The following COBL variants were observed in gnomAD, a reference collection of about 807,000 sequenced individuals.
COBL encodes the protein protein cordon-bleu.
COBL carries 51 observed loss-of-function variants against 98.8 expected under a neutral mutation model. The ratio of observed to expected loss-of-function variants is 0.52; its 90% CI spans 0.41 to 0.65. The LOEUF (loss-of-function observed/expected upper bound fraction) is 0.65. Among genes scored for constraint, COBL ranks in the 30% least tolerant of loss-of-function variants. The pLI, the probability that COBL is intolerant of heterozygous loss-of-function variation, is 0.00. For missense variants in COBL, 1,617 were observed against 1,617.5 expected (o/e 1.00, Z 0.01); for synonymous variants, 634 against 651.7 (o/e 0.97, Z 0.41).
rs541214219 is a variant in COBL, at chr7:51,218,771, A to G, written c.245+970T>C. Among the ~76,000 whole-genome samples, 8 of 152,314 alleles carry G rather than the reference A, an allele frequency of 5.3e-5. No individual in the cohort carries two copies. In the South Asian group the frequency reaches 1.5e-3, roughly 28 times the overall value. The stretch of plus-strand genomic sequence containing the variant: ...GACTACAGGCCACCGTGCCCAGCCC[A>G]TTTTATATCATTTCTTATTCTCCTT... On this transcript the variant is annotated intron_variant, in intron 2 of 12. Coordinates refer to ENST00000265136, the MANE Select transcript of COBL (RefSeq NM_015198.5).
intron 6 of COBL, among the ~76,000 whole-genome samples, chr7:51,087,376 A>G (rs757098557): frequency 1.3e-5 from 2 of 152,158 alleles, no homozygotes; most frequent in African/African-American, 2.4e-5. Context: ...CCTGAACCTG[A>G]TAACTGATTT....
intron 7 of COBL, among the ~76,000 whole-genome samples, chr7:51,082,713 C>T (rs1489560961): frequency 6.6e-6 from 1 of 152,214 alleles, no homozygotes; most frequent in Non-Finnish European, 1.5e-5. Context: ...AGCCCACCAT[C>T]CAGATCACAC....
At chr7:51,159,676 A>G (rs1006760478) in intron 5 of COBL, among the ~76,000 whole-genome samples, 1 of 152,136 alleles carries the variant, frequency 6.6e-6, no homozygotes, top group Non-Finnish European at 1.5e-5. Flanking sequence ...TTTTCAGCCA[A>G]GTGGTGAAAA....
At chr7:51,033,222 T>C (rs1386520434) in intron 8 of COBL, 1 of 152,188 alleles carries the variant, frequency 6.6e-6, no homozygotes, top group African/African-American at 2.4e-5. Flanking sequence ...TGGAAAGCAA[T>C]GTGGAAATAC....
chr7:51,095,922 C>A (rs1344859061), intron 6 of COBL, among the ~76,000 whole-genome samples: 1 of 152,036 alleles, frequency 6.6e-6, no homozygotes, highest in South Asian at 2.1e-4. Flanking sequence ...TAGAAATAGA[C>A]AGAAACACAA....
At chr7:51,024,227 T>C (rs1035968089) in intron 12 of COBL, among the ~76,000 whole-genome samples, 5 of 151,902 alleles carry the variant, frequency 3.3e-5, no homozygotes, top group Admixed American at 6.6e-5. Context: ...GAGAATGGCA[T>C]GAACCCGGGA....
chr7:51,224,429 T>C (rs953835325), intron 1 of COBL, among the ~76,000 whole-genome samples: 1 of 152,150 alleles, frequency 6.6e-6, no homozygotes, highest in Non-Finnish European at 1.5e-5. Context: ...AAAACCTGTG[T>C]GGACCTCATT....
At chr7:51,305,449 A>G (rs1206126609) in intron 1 of COBL, among the ~76,000 whole-genome samples, 1 of 152,238 alleles carries the variant, frequency 6.6e-6, no homozygotes, top group African/African-American at 2.4e-5. Context: ...CTACAAAGCA[A>G]TATTTTCCAC....
intron 2 of COBL, among the ~76,000 whole-genome samples, chr7:51,201,101 G>A (rs1044881314): frequency 1.1e-4 from 17 of 151,848 alleles, no homozygotes; most frequent in Non-Finnish European, 1.9e-4. Context: ...TTAGCTGGGC[G>A]TGGTGGTGGG....
chr7:51,246,574 C>T (rs1218224034), intron 1 of COBL, among the ~76,000 whole-genome samples: 1 of 152,220 alleles, frequency 6.6e-6, no homozygotes, highest in Non-Finnish European at 1.5e-5. Flanking sequence ...ATCCTGCCTG[C>T]ACACCGTACA....
rs114062801 is a variant in COBL, at chr7:51,308,973, G to C, written c.41+7620C>G. ...TAGGTCAGAGCTCTATATAACGTGG[G>C]TGTGTGTCACAGCAAACTAAGGACA... On this transcript the variant is annotated intron_variant, in intron 1 of 12. Transcript: ENST00000265136. Among the ~76,000 whole-genome samples, 1,453 of 152,264 alleles carry C rather than the reference G, an allele frequency of 9.5e-3. 19 individuals are homozygous for C. Among genetic ancestry groups the C allele is most frequent in the African/African-American group, 0.034 (1,409 of 41,560 alleles).
At chr7:51,144,530 A>G (rs1784848103) in intron 5 of COBL, among the ~76,000 whole-genome samples, 1 of 152,218 alleles carries the variant, frequency 6.6e-6, no homozygotes, top group Non-Finnish European at 1.5e-5. Context: ...AAATTATGAT[A>G]ACAAAATGTG....
At chr7:51,215,358 C>T (rs1318002905) in intron 2 of COBL, among the ~76,000 whole-genome samples, 1 of 152,146 alleles carries the variant, frequency 6.6e-6, no homozygotes, top group African/African-American at 2.4e-5. Flanking sequence ...TCACAGTGGG[C>T]TTTTTGGCAT....
chr7:51,285,657 T>C (rs1800291111), intron 1 of COBL, among the ~76,000 whole-genome samples: 4 of 152,222 alleles, frequency 2.6e-5, no homozygotes, highest in Non-Finnish European at 5.9e-5. Context: ...ATATATTCAT[T>C]GGTCAGACGA....
intron 7 of COBL, among the ~76,000 whole-genome samples, chr7:51,076,131 G>A (rs1583697833): frequency 6.6e-6 from 1 of 152,204 alleles, no homozygotes; most frequent in Non-Finnish European, 1.5e-5. Context: ...CCCAGGGCTT[G>A]CTCTGAGCTC....
chr7:51,241,584 T>A (rs917431), intron 1 of COBL, among the ~76,000 whole-genome samples: 8,458 of 152,124 alleles, frequency 0.056, 757 homozygotes, highest in African/African-American at 0.19. Context: ...CTATATTTTT[T>A]AAAAAAATAA....
At chr7:51,082,218 C>G (rs572189075) in intron 7 of COBL, among the ~76,000 whole-genome samples, 1 of 152,254 alleles carries the variant, frequency 6.6e-6, no homozygotes, top group Middle Eastern at 3.4e-3. Flanking sequence ...CATGTGGGCA[C>G]CAGCAGGGCT....
chr7:51,119,863 G>A (rs1797594007), intron 6 of COBL, among the ~76,000 whole-genome samples: 1 of 152,138 alleles, frequency 6.6e-6, no homozygotes, highest in Non-Finnish European at 1.5e-5. Flanking sequence ...GATATTATTT[G>A]ACTTCTAAGG....
intron 1 of COBL, among the ~76,000 whole-genome samples, chr7:51,296,862 G>C (rs1801461134): frequency 6.6e-6 from 1 of 152,172 alleles, no homozygotes; most frequent in Admixed American, 6.5e-5. Flanking sequence ...CATGCTGTAT[G>C]CACTCAGGTC....
Sources: allele counts gnomAD v4.1 joint callset (sites outside exome capture counted in the v4.1 genomes callset), GRCh38; gene constraint gnomAD v4.1.1; transcripts MANE v1.5; gene names NCBI Gene and HGNC (gene_info 2026-07-23, HGNC 2026-07-21).